The following BRAT1 variants were observed in gnomAD, a reference collection of about 807,000 sequenced individuals.
BRAT1 encodes the protein integrator complex assembly factor BRAT1.
Under a neutral mutation model 70.6 loss-of-function variants are expected in BRAT1, and 74 were observed. That is an observed-to-expected ratio of 1.05 (90% CI 0.87 to 1.27). The LOEUF (loss-of-function observed/expected upper bound fraction) is 1.27. BRAT1 is among the 50% of genes most tolerant of loss of function. The pLI, the probability that BRAT1 is intolerant of heterozygous loss-of-function variation, is 0.00. For synonymous variants in BRAT1, 615 were observed against 517.1 expected, an observed-to-expected ratio of 1.19 and a Z score of -2.57; for missense variants, 1,203 against 1,098.2, an observed-to-expected ratio of 1.10 and a Z score of -1.35.
rs376592261 is a variant in BRAT1, at chr7:2,543,118, C to T, written c.923+86G>A. ...GACTGTCCCTGGTGTCCGGAACTCC[C>T]CTGCCATGAGGGCTGCGCTCTCAAC... On this transcript the variant is annotated intron_variant, in intron 6 of 13. Coordinates refer to ENST00000340611, the MANE Select transcript of BRAT1 (RefSeq NM_152743.4). This position sits in a 1 kb window ranked among gnomAD's most constrained non-coding sequence, Gnocchi z 5.5. The T allele has an allele frequency of 6.9e-7, 1 of 1,455,722 alleles. No individual in the cohort carries two copies. Among genetic ancestry groups the T allele is most frequent in the African/African-American group, 1.4e-5 (1 of 69,204 alleles). 90.2% of individuals were successfully genotyped at this position (1,455,722 alleles called of 1,614,324 possible). A position where few individuals can be genotyped will look rare whatever the true frequency, so the allele number is the denominator to read the frequency against.
chr7:2,544,148 G>C (rs933781460), intron 4 of BRAT1, 186 bp from the exon 5 acceptor site: 1 of 457,636 alleles, frequency 2.2e-6, no homozygotes, highest in South Asian at 4.1e-5. Context: ...TCCTCCCCCC[G>C]AGCGTTAAAC....
intron 2 of BRAT1, 39 bp downstream of exon 2, chr7:2,554,266 T>A (rs1780247136): frequency 6.2e-7 from 1 of 1,607,516 alleles, no homozygotes; most frequent in African/African-American, 1.3e-5. Flanking sequence ...CTGCGTCTGG[T>A]CTCTGGATAG....
rs1779309474 is a variant in BRAT1 at position 2,543,134 on chromosome 7, C to T, written c.923+70G>A. 24 of 1,481,166 alleles carry T rather than the reference C, an allele frequency of 1.6e-5. 2 individuals carry two copies. Among genetic ancestry groups the T allele is most frequent in the South Asian group, 1.5e-4 (11 of 71,388 alleles). 91.8% of individuals were successfully genotyped at this position (1,481,166 alleles called of 1,614,324 possible). On this transcript the variant is annotated intron_variant, in intron 6 of 13. Coordinates refer to ENST00000340611, the MANE Select transcript of BRAT1 (RefSeq NM_152743.4). The surrounding 1 kb of genome is among the most constrained non-coding windows in gnomAD (Gnocchi z 5.5). ...CGGAACTCCCCTGCCATGAGGGCTG[C>T]GCTCTCAACCTCCCTGCCTGCCCCA... is the stretch of plus-strand genomic sequence containing the variant.
chr7:2,552,864 A>G (rs985719689), intron 2 of BRAT1, among the ~76,000 whole-genome samples: 1 of 150,896 alleles, frequency 6.6e-6, no homozygotes, highest in African/African-American at 2.4e-5. Context: ...CAGCCTCCCA[A>G]GTAACTGGGA....
Position 2,547,350 on chromosome 7 carries a change from G to C in BRAT1, c.256C>G (p.Gln86Glu), listed in dbSNP as rs765915339. The C allele has an allele frequency of 6.2e-7, 1 of 1,614,090 alleles. No individual in the cohort carries two copies. The highest frequency in any genetic ancestry group is 8.5e-7 in the Non-Finnish European group (1 of 1,180,014). ...TGAAGATACTGGAAGCAGTTTTCCT[G>C]GGCTGCGAAGGTTCCTGCCAGGCGC... ...SLRLAGTFAA[Q>E]ENCFQYLQQG... Residue 86 changes from glutamine to glutamate, a missense_variant, in exon 3 of 14, where the codon CAG becomes GAG. Physicochemically the swap from Gln to Glu is conservative, Grantham distance 29. Transcript: ENST00000340611.
At chr7:2,539,003 G>A in intron 13 of BRAT1, 176 bp downstream of exon 13, 1 of 1,435,774 alleles carries the variant, frequency 7.0e-7, no homozygotes, top group African/African-American at 1.4e-5. Context: ...AGAAGGCGAA[G>A]CGCACAGGTC....
At position 2,538,906 on chromosome 7, in the gene BRAT1, G is replaced by A. The variant is rs527806725; in HGVS notation, c.1771-142C>T. The A allele has an allele frequency of 9.1e-5, 134 of 1,475,834 alleles. 1 individual carries two copies. In the South Asian group the frequency reaches 1.1e-3, roughly 12 times the overall value. The allele number at this position is 1,475,834 out of a possible 1,614,324, so 91.4% of individuals were successfully genotyped here. ...CCGCTCTGACACCTTCCCATGCTGCGCAGTGAGCACACGGCCCTCCAATCC... is the reference window on the plus strand; with the variant it reads ...CCGCTCTGACACCTTCCCATGCTGCACAGTGAGCACACGGCCCTCCAATCC... On this transcript the variant is annotated intron_variant, in intron 13 of 13. Coordinates refer to ENST00000340611, the MANE Select transcript of BRAT1 (RefSeq NM_152743.4).
chr7:2,543,115 T>A lies in BRAT1; in HGVS notation c.923+89A>T. 1 of 1,440,480 alleles carries A rather than the reference T, an allele frequency of 6.9e-7. No homozygotes were observed. Among genetic ancestry groups the A allele is most frequent in the Non-Finnish European group, 9.2e-7 (1 of 1,088,826 alleles). The allele number at this position is 1,440,480 out of a possible 1,614,324, so 89.2% of individuals were successfully genotyped here. On this transcript the variant is annotated intron_variant, in intron 6 of 13. Transcript: ENST00000340611. The surrounding 1 kb of genome is among the most constrained non-coding windows in gnomAD (Gnocchi z 5.5). ...CCTGACTGTCCCTGGTGTCCGGAACTCCCCTGCCATGAGGGCTGCGCTCTC... is the reference window on the plus strand; with the variant it reads ...CCTGACTGTCCCTGGTGTCCGGAACACCCCTGCCATGAGGGCTGCGCTCTC...
At chr7:2,552,802 G>C (rs1583341026) in intron 2 of BRAT1, among the ~76,000 whole-genome samples, 1 of 151,124 alleles carries the variant, frequency 6.6e-6, no homozygotes, top group African/African-American at 2.4e-5. Context: ...GCAGTGGCGT[G>C]ATCTCGGCTC....
chr7:2,553,820 T>G lies in BRAT1; in HGVS notation c.127+485A>C, dbSNP rs1304008804. Among the ~76,000 whole-genome samples the G allele has an allele frequency of 2.6e-5, 4 of 151,964 alleles. No individual in the cohort carries two copies. The South Asian group carries it at 8.3e-4, about 32-fold the overall frequency. On this transcript the variant is annotated intron_variant, in intron 2 of 13. Transcript: ENST00000340611. Reference sequence around the variant, plus strand: ...CCAGGCACAGCTAATTTTTGTTTTTTTTTTTTTTAGAGATGACGTCTCGCT... The same window carrying G: ...CCAGGCACAGCTAATTTTTGTTTTTGTTTTTTTTAGAGATGACGTCTCGCT...
At position 2,539,046 on chromosome 7, in the gene BRAT1, T is replaced by A. The variant is rs553555191; in HGVS notation, c.1770+133A>T. On this transcript the variant is annotated intron_variant, in intron 13 of 13. Coordinates refer to ENST00000340611, the MANE Select transcript of BRAT1 (RefSeq NM_152743.4). ...CAGCACAGCCCCAGGGCCTCGGCAG[T>A]CACTGCTGCAGGCGCTGCCCACAGC... The A allele has an allele frequency of 6.8e-5, 98 of 1,451,830 alleles. No homozygotes were observed. The African/African-American group carries it at 1.2e-3, about 18-fold the overall frequency. 89.9% of individuals were successfully genotyped at this position (1,451,830 alleles called of 1,614,324 possible).
At chr7:2,550,329 G>T (rs13246762) in intron 2 of BRAT1, among the ~76,000 whole-genome samples, 1 of 151,024 alleles carries the variant, frequency 6.6e-6, no homozygotes, top group Non-Finnish European at 1.5e-5. Context: ...TTAGCCGGGC[G>T]TGGTGGCGGG....
At position 2,543,571 on chromosome 7, in the gene BRAT1, T is replaced by A. The variant is rs754541141; in HGVS notation, c.803+19A>T. On this transcript the variant is annotated intron_variant, in intron 5 of 13. Transcript: ENST00000340611. This position sits in a 1 kb window ranked among gnomAD's most constrained non-coding sequence, Gnocchi z 5.5. ...CAGTTGCCCACCCAGGCCCCCCAGC[T>A]GCGTCCCGGGGCCCTGACCGAGCCA... is the stretch of plus-strand genomic sequence containing the variant. The A allele has an allele frequency of 6.0e-6, 9 of 1,504,390 alleles. No homozygotes were observed. The highest frequency in any genetic ancestry group is 8.0e-6 in the Non-Finnish European group (9 of 1,126,194). The allele number at this position is 1,504,390 out of a possible 1,614,324, so 93.2% of individuals were successfully genotyped here.
In BRAT1 at chr7:2,538,444, G is replaced by A. The variant is rs200264530; in HGVS notation, c.2091C>T (p.His697=). The change falls in exon 14 of 14, where the codon CAC becomes CAT. Residue 697 remains histidine (H), a synonymous_variant. Coordinates refer to ENST00000340611, the MANE Select transcript of BRAT1 (RefSeq NM_152743.4). ...AAAAGGCGAAGTCAAAGAGCCCCAC[G>A]TGGCAGAGAGCCCTCAGTGCCTCGG... is the stretch of plus-strand genomic sequence containing the variant. ...PLTEALRALC[H]VGLFDFAFCA... 14 of 1,613,178 alleles carry A rather than the reference G, an allele frequency of 8.7e-6. No individual in the cohort carries two copies. Among genetic ancestry groups the A allele is most frequent in the South Asian group, 4.4e-5 (4 of 91,084 alleles).
intron 9 of BRAT1, 73 bp from the exon 10 acceptor site, chr7:2,541,125 G>T: frequency 6.9e-7 from 1 of 1,447,968 alleles, no homozygotes; most frequent in Non-Finnish European, 9.2e-7. Flanking sequence ...CTGGGAAGGA[G>T]CAGAACAAGG....
chr7:2,549,934 A>T (rs1011754468), intron 2 of BRAT1, among the ~76,000 whole-genome samples: 2 of 152,188 alleles, frequency 1.3e-5, no homozygotes, highest in African/African-American at 4.8e-5. Flanking sequence ...ACATCTATGT[A>T]TACCTAACCT....
Position 2,539,566 on chromosome 7 carries a change from G to C in BRAT1, c.1575C>G (p.Thr525=). Residue 525 remains threonine, a synonymous_variant, in exon 12 of 14, where the codon ACC becomes ACG. Coordinates refer to ENST00000340611, the MANE Select transcript of BRAT1 (RefSeq NM_152743.4). ...EVRDSALEFL[T]QLSRHWGGQA... is the part of the protein sequence containing the mutation. The stretch of plus-strand genomic sequence containing the variant: ...CACCTCCCCAGTGCCTGCTCAGCTG[G>C]GTCAGGAACTCGAGGGCGGAGTCCC... The C allele has an allele frequency of 6.4e-7, 1 of 1,573,608 alleles. No individual in the cohort carries two copies.
At chr7:2,554,069 C>A (rs1780231921) in intron 2 of BRAT1, among the ~76,000 whole-genome samples, 1 of 152,198 alleles carries the variant, frequency 6.6e-6, no homozygotes, top group Admixed American at 6.5e-5. Flanking sequence ...GTGCCCTGAT[C>A]GTGGCTCAAC....
intron 4 of BRAT1, among the ~76,000 whole-genome samples, chr7:2,544,595 G>A (rs1207404681): frequency 2.0e-5 from 3 of 152,092 alleles, no homozygotes; most frequent in Non-Finnish European, 2.9e-5. Flanking sequence ...CGAACCCCTG[G>A]GCTCAAGTGA....
Sources: allele counts gnomAD v4.1 joint callset (sites outside exome capture counted in the v4.1 genomes callset), GRCh38; gene constraint gnomAD v4.1.1; non-coding constraint Gnocchi (gnomAD v3.1); transcripts MANE v1.5; gene names NCBI Gene and HGNC (gene_info 2026-07-23, HGNC 2026-07-21).